PRKCE: variants seen among roughly 807,000 people sequenced by gnomAD.
PRKCE encodes the protein protein kinase C epsilon, also known as protein kinase C epsilon type.
Under a neutral mutation model 85.4 loss-of-function variants are expected in PRKCE, and 16 were observed. That is an observed-to-expected ratio of 0.19 (90% CI 0.13 to 0.28). PRKCE has a LOEUF of 0.28. Ranked by LOEUF, PRKCE falls within the 10% of genes least tolerant of loss-of-function variation. The pLI, the probability that PRKCE is intolerant of heterozygous loss-of-function variation, is 1.00. For missense variants in PRKCE, 573 were observed against 975.2 expected (o/e 0.59, Z 5.49); for synonymous variants, 388 against 371.5 (o/e 1.04, Z -0.51).
chr2:45,945,750 G>A (rs1276051706), intron 2 of PRKCE, among the ~76,000 whole-genome samples: 1 of 152,214 alleles, frequency 6.6e-6, no homozygotes, highest in South Asian at 2.1e-4. Context: ...CTCCACTGGT[G>A]GGGGGCCAGA....
chr2:46,071,251 T>C (rs1318384708), intron 10 of PRKCE, among the ~76,000 whole-genome samples: 4 of 152,214 alleles, frequency 2.6e-5, no homozygotes, highest in African/African-American at 9.7e-5. Context: ...ATTGTAGCCT[T>C]TTTGAAGTCC....
At chr2:45,738,041 T>A (rs1321734008) in intron 1 of PRKCE, among the ~76,000 whole-genome samples, 2 of 152,096 alleles carry the variant, frequency 1.3e-5, no homozygotes, top group East Asian at 3.8e-4. Flanking sequence ...AGCGTCCTCC[T>A]CTCCACAGTC....
intron 10 of PRKCE, among the ~76,000 whole-genome samples, chr2:46,016,736 C>T (rs1196448074): frequency 3.3e-5 from 5 of 151,896 alleles, no homozygotes; most frequent in Admixed American, 6.6e-5. Flanking sequence ...TGATGATACC[C>T]CATCTTTACT....
intron 9 of PRKCE, among the ~76,000 whole-genome samples, chr2:46,008,444 CTGAT>C (rs1456119222): frequency 3.9e-5 from 6 of 152,216 alleles, no homozygotes; most frequent in Non-Finnish European, 8.8e-5. Context: ...CCTGAGATCT[CTGAT>C]TGTTCCCTGG....
chr2:45,783,064 T>C (rs1228220493), intron 1 of PRKCE, among the ~76,000 whole-genome samples: 2 of 152,216 alleles, frequency 1.3e-5, no homozygotes, highest in Non-Finnish European at 2.9e-5. Context: ...GGATTATGAA[T>C]ATAAATAGCC....
At chr2:46,014,223 A>G (rs1705933281) in intron 10 of PRKCE, among the ~76,000 whole-genome samples, 1 of 152,216 alleles carries the variant, frequency 6.6e-6, no homozygotes, top group Non-Finnish European at 1.5e-5. Flanking sequence ...TGTCTTTGGG[A>G]TGCAAGAGTA....
At chr2:45,954,268 A>G (rs534466479) in intron 2 of PRKCE, among the ~76,000 whole-genome samples, 1 of 152,232 alleles carries the variant, frequency 6.6e-6, no homozygotes, top group South Asian at 2.1e-4. Flanking sequence ...ATGACAGCTA[A>G]TGGCTTCCTT....
intron 1 of PRKCE, among the ~76,000 whole-genome samples, chr2:45,704,484 T>C (rs899535279): frequency 6.6e-6 from 1 of 152,188 alleles, no homozygotes; most frequent in African/African-American, 2.4e-5. Flanking sequence ...GATTTTCCTG[T>C]ATGAAATGTG....
chr2:46,101,695 A>G (rs56024034), intron 11 of PRKCE, among the ~76,000 whole-genome samples: 41,113 of 151,958 alleles, frequency 0.27, 5,761 homozygotes, highest in South Asian at 0.41. Context: ...GAGGTGGGAG[A>G]AAACTTGGGA....
At chr2:45,857,963 G>A (rs55875003) in intron 2 of PRKCE, among the ~76,000 whole-genome samples, 2,368 of 152,310 alleles carry the variant, frequency 0.016, 49 homozygotes, top group African/African-American at 0.052. Context: ...TTGCTTGGCT[G>A]GCAGAAAGCA....
intron 2 of PRKCE, among the ~76,000 whole-genome samples, chr2:45,947,242 A>G (rs1029409186): frequency 2.0e-5 from 3 of 152,210 alleles, no homozygotes; most frequent in Non-Finnish European, 2.9e-5. Flanking sequence ...GTATGATTCT[A>G]TTTGTGATAT....
chr2:45,869,941 C>T (rs1693952633), intron 2 of PRKCE, among the ~76,000 whole-genome samples: 1 of 152,070 alleles, frequency 6.6e-6, no homozygotes, highest in Non-Finnish European at 1.5e-5. Flanking sequence ...CTCCTGACCT[C>T]CTGGTCTGTC....
chr2:46,163,064 C>T (rs1056523526), intron 14 of PRKCE, among the ~76,000 whole-genome samples: 11 of 152,254 alleles, frequency 7.2e-5, no homozygotes, highest in East Asian at 3.8e-4. Context: ...GGTTTTCATA[C>T]GCCATCGCGC....
chr2:46,083,425 A>T (rs1669288830), intron 10 of PRKCE, among the ~76,000 whole-genome samples: 1 of 152,168 alleles, frequency 6.6e-6, no homozygotes, highest in Admixed American at 6.5e-5. Context: ...TCCAGGGAGG[A>T]TGATGGGGAG....
At chr2:45,953,948 GATTCAC>G (rs1700802789) in intron 2 of PRKCE, among the ~76,000 whole-genome samples, 8 of 152,318 alleles carry the variant, frequency 5.3e-5, no homozygotes, top group Admixed American at 5.2e-4. Flanking sequence ...GAAGTGAATG[GATTCAC>G]AAAAGCTGTC....
At chr2:45,803,069 G>A (rs1243558544) in intron 1 of PRKCE, among the ~76,000 whole-genome samples, 1 of 152,138 alleles carries the variant, frequency 6.6e-6, no homozygotes, top group African/African-American at 2.4e-5. Context: ...CTTGAAAGGT[G>A]GCACTTGATT....
At chr2:45,791,676 C>T (rs931130551) in intron 1 of PRKCE, among the ~76,000 whole-genome samples, 1 of 152,160 alleles carries the variant, frequency 6.6e-6, no homozygotes, top group African/African-American at 2.4e-5. Context: ...TGGGTAGCTG[C>T]GCAAAGTGGT....
intron 1 of PRKCE, among the ~76,000 whole-genome samples, chr2:45,672,700 G>A (rs970568425): frequency 6.6e-6 from 1 of 152,136 alleles, no homozygotes; most frequent in African/African-American, 2.4e-5. Flanking sequence ...TCCCTCAGTG[G>A]CTGGTCTTTA....
chr2:46,083,924 TGCTTCTCAACCCTGGCC>T (rs1271112287), intron 10 of PRKCE, among the ~76,000 whole-genome samples: 7 of 152,252 alleles, frequency 4.6e-5, no homozygotes, highest in African/African-American at 1.7e-4. Flanking sequence ...GGAGAGTCAG[TGCTTCTCAACCCTGGCC>T]GCACATGGGA....
Sources: allele counts gnomAD v4.1 joint callset (sites outside exome capture counted in the v4.1 genomes callset), GRCh38; gene constraint gnomAD v4.1.1; transcripts MANE v1.5; gene names NCBI Gene and HGNC (gene_info 2026-07-23, HGNC 2026-07-21).